Variants in BST1 observed in about 807,000 individuals in gnomAD.
BST1 encodes the protein bone marrow stromal cell antigen 1.
Under a neutral mutation model 40.6 loss-of-function variants are expected in BST1, and 49 were observed. The observed-to-expected ratio is 1.21, with a 90% confidence interval of 0.96 to 1.53. BST1 has a LOEUF of 1.53. Ranked by LOEUF, BST1 falls within the 40% of genes most tolerant of loss-of-function variation. The pLI, the probability that BST1 is intolerant of heterozygous loss-of-function variation, is 0.00. For missense variants in BST1, 423 were observed against 395.9 expected (o/e 1.07, Z -0.58); for synonymous variants, 157 against 159.3 (o/e 0.99, Z 0.11).
intron 4 of BST1, 81 bp downstream of exon 4, chr4:15,711,970 C>T: frequency 8.1e-7 from 1 of 1,229,070 alleles, no homozygotes; most frequent in Non-Finnish European, 1.2e-6. Flanking sequence ...AGTCTGGGCC[C>T]CAGGTCATCA....
At chr4:15,705,948 G>A (rs1719860354) in intron 2 of BST1, among the ~76,000 whole-genome samples, 1 of 152,196 alleles carries the variant, frequency 6.6e-6, no homozygotes, top group South Asian at 2.1e-4. Flanking sequence ...GGAGGCCTCT[G>A]GGAGCTTTTA....
chr4:15,739,342 G>A (rs939344132), downstream of BST1, among the ~76,000 whole-genome samples: 2 of 152,090 alleles, frequency 1.3e-5, no homozygotes, highest in African/African-American at 4.8e-5. Context: ...AAATCACTCC[G>A]CTTAGAATTT....
At chr4:15,715,639 T>C (rs1720470190) in intron 5 of BST1, 68 bp from the exon 6 acceptor site, 2 of 1,102,692 alleles carry the variant, frequency 1.8e-6, no homozygotes, top group Non-Finnish European at 2.6e-6. Flanking sequence ...AGAAAGGTAA[T>C]GTGTAAATTA....
At chr4:15,714,243 C>T (rs1352757936) in intron 4 of BST1, among the ~76,000 whole-genome samples, 1 of 152,092 alleles carries the variant, frequency 6.6e-6, no homozygotes, top group African/African-American at 2.4e-5. Context: ...TATCACTTTG[C>T]TAGGGAGTGA....
downstream of BST1, among the ~76,000 whole-genome samples, chr4:15,736,477 G>A (rs1311260712): frequency 2.6e-5 from 4 of 152,004 alleles, no homozygotes; most frequent in Admixed American, 6.6e-5. Flanking sequence ...GGGCGTGGTG[G>A]CACGTGCCTG....
intron 8 of BST1, among the ~76,000 whole-genome samples, chr4:15,728,472 G>A (rs1721224720): frequency 7.8e-6 from 1 of 127,826 alleles, no homozygotes; most frequent in Non-Finnish European, 1.6e-5. Flanking sequence ...TTTTTTTGGA[G>A]ACAGGTTATC....
chr4:15,755,127 T>A, the BST1 span, among the ~76,000 whole-genome samples: 1 of 152,102 alleles, frequency 6.6e-6, no homozygotes, highest in Non-Finnish European at 1.5e-5. Context: ...TTGCAATCAG[T>A]TTCTCTTTTT....
the BST1 span, among the ~76,000 whole-genome samples, chr4:15,770,575 C>T: frequency 7.2e-5 from 11 of 152,078 alleles, no homozygotes; most frequent in African/African-American, 2.4e-4. Flanking sequence ...CACAGTGGCA[C>T]GTGCCTCCCA....
chr4:15,768,723 C>T, the BST1 span, among the ~76,000 whole-genome samples: 1 of 151,920 alleles, frequency 6.6e-6, no homozygotes, highest in African/African-American at 2.4e-5. Context: ...GTCTCGATCT[C>T]CTGACCTCAT....
chr4:15,707,866 T>TATATATATATATACAC (rs1560277608), intron 3 of BST1, among the ~76,000 whole-genome samples: 1 of 147,880 alleles, frequency 6.8e-6, no homozygotes, highest in African/African-American at 2.5e-5. Context: ...TATATATATA[T>TATATATATATATACAC]ATATATATAC....
chr4:15,742,304 T>C (rs1324799593), downstream of BST1, among the ~76,000 whole-genome samples: 1 of 152,102 alleles, frequency 6.6e-6, no homozygotes, highest in Non-Finnish European at 1.5e-5. Flanking sequence ...TGGGGATGGG[T>C]GTGTGAGTTC....
Position 15,703,293 on chromosome 4 carries a change from G to A in BST1, c.149G>A (p.Arg50His), listed in dbSNP as rs539558371. Reference sequence around the variant, plus strand: ...CACTTGCGGGACATCTTCCTGGGCCGCTGCGCCGAGTACCGCGCACTGCTG... The same window carrying A: ...CACTTGCGGGACATCTTCCTGGGCCACTGCGCCGAGTACCGCGCACTGCTG... ...SAHLRDIFLG[R>H]CAEYRALLSP... Residue 50 changes from arginine to histidine, a missense_variant, in exon 1 of 9, where the codon CGC becomes CAC. By Grantham distance (29) the Arg-to-His change is conservative. Coordinates refer to ENST00000265016, the MANE Select transcript of BST1 (RefSeq NM_004334.3). 1.3e-6 allele frequency: 2 copies of A among 1,531,078 alleles called. No individual in the cohort carries two copies. The highest frequency in any genetic ancestry group is 2.5e-5 in the East Asian group (1 of 40,064). The allele number at this position is 1,531,078 out of a possible 1,614,324, so 94.8% of individuals were successfully genotyped here. A position where few individuals can be genotyped will look rare whatever the true frequency, so the allele number is the denominator to read the frequency against.
At chr4:15,749,935 C>CTTTTTT in the BST1 span, among the ~76,000 whole-genome samples, 3 of 137,762 alleles carry the variant, frequency 2.2e-5, no homozygotes, top group African/African-American at 2.7e-5. Flanking sequence ...TCATTCTTTT[C>CTTTTTT]TTTTTTTTTT....
chr4:15,736,115 T>A (rs1721553667), downstream of BST1: 1 of 1,288,738 alleles, frequency 7.8e-7, no homozygotes. Context: ...AACCGCCGGT[T>A]CTAGCCTTTG....
At chr4:15,708,313 C>G (rs1720006470) in intron 3 of BST1, among the ~76,000 whole-genome samples, 1 of 152,194 alleles carries the variant, frequency 6.6e-6, no homozygotes, top group African/African-American at 2.4e-5. Context: ...TCTGCAAACA[C>G]TCCTCATTCA....
At chr4:15,768,924 C>G in the BST1 span, among the ~76,000 whole-genome samples, 1 of 152,172 alleles carries the variant, frequency 6.6e-6, no homozygotes, top group African/African-American at 2.4e-5. Context: ...CATAAATCCC[C>G]TTTGAGAACA....
the BST1 span, among the ~76,000 whole-genome samples, chr4:15,757,975 A>G: frequency 1.3e-5 from 2 of 152,172 alleles, no homozygotes; most frequent in East Asian, 3.8e-4. Flanking sequence ...CTAATGTTTT[A>G]AAAACCCAAT....
downstream of BST1, among the ~76,000 whole-genome samples, chr4:15,738,467 G>A (rs1721646892): frequency 1.3e-5 from 2 of 152,120 alleles, no homozygotes; most frequent in South Asian, 4.1e-4. Context: ...GTTAAACAGG[G>A]TGAGGAGTCT....
chr4:15,707,738 C>T, intron 3 of BST1, 92 bp downstream of exon 3: 1 of 1,467,970 alleles, frequency 6.8e-7, no homozygotes, highest in Non-Finnish European at 9.3e-7. Context: ...GCATTTATTT[C>T]ACTTGATCCT....
Sources: allele counts gnomAD v4.1 joint callset (sites outside exome capture counted in the v4.1 genomes callset), GRCh38; gene constraint gnomAD v4.1.1; transcripts MANE v1.5; gene names NCBI Gene and HGNC (gene_info 2026-07-23, HGNC 2026-07-21).